LRCH1: variants seen among roughly 807,000 people sequenced by gnomAD.
LRCH1 encodes leucine-rich repeat and calponin homology domain-containing protein 1.
Under a neutral mutation model 94.9 loss-of-function variants are expected in LRCH1, and 23 were observed. The ratio of observed to expected loss-of-function variants is 0.24; its 90% CI spans 0.17 to 0.34. The LOEUF (loss-of-function observed/expected upper bound fraction) is 0.34. LRCH1 is among the 10% of genes least tolerant of loss of function. The pLI is 1.00. For missense variants in LRCH1, 790 were observed against 945.9 expected (o/e 0.84, Z 2.16); for synonymous variants, 364 against 354.9 (o/e 1.03, Z -0.29).
intron 2 of LRCH1, among the ~76,000 whole-genome samples, chr13:46,667,304 TC>T (rs377412568): frequency 2.0e-5 from 3 of 152,284 alleles, no homozygotes; most frequent in African/African-American, 7.2e-5. Flanking sequence ...ACCTGCTTTT[TC>T]TGAGCTCATC....
intron 15 of LRCH1, among the ~76,000 whole-genome samples, chr13:46,712,929 C>T (rs1440298522): frequency 1.3e-5 from 2 of 152,094 alleles, no homozygotes; most frequent in South Asian, 2.1e-4. Context: ...TCCTGCTGCT[C>T]GGCTGAGTTA....
intron 18 of LRCH1, among the ~76,000 whole-genome samples, chr13:46,730,784 T>C (rs771821286): frequency 6.6e-6 from 1 of 152,208 alleles, no homozygotes; most frequent in African/African-American, 2.4e-5. Flanking sequence ...AGATTCTCAG[T>C]AATTTTTCCC....
At chr13:46,635,976 T>C (rs1168891826) in intron 1 of LRCH1, among the ~76,000 whole-genome samples, 2 of 151,976 alleles carry the variant, frequency 1.3e-5, no homozygotes, top group Non-Finnish European at 2.9e-5. Context: ...TCCTCTCCTT[T>C]CAGTCTCTCT....
chr13:46,650,216 G>A lies in LRCH1; in HGVS notation c.323G>A (p.Arg108Lys). 1 of 1,610,928 alleles carries A rather than the reference G, an allele frequency of 6.2e-7. No individual in the cohort carries two copies. The highest frequency in any genetic ancestry group is 8.5e-7 in the Non-Finnish European group (1 of 1,178,526). ...TTTCTTATAGACTTATCTAAAAACA[G>A]ACTGGTTGAAGTTCCAATGGAATTG... ...DTVQADLSKN[R>K]LVEVPMELCH... The change falls in exon 2 of 20, where the codon AGA (arginine) becomes AAA (lysine). Residue 108 changes from arginine (R) to lysine (K), a missense_variant. Transcript: ENST00000389797.
intron 18 of LRCH1, among the ~76,000 whole-genome samples, chr13:46,732,303 T>A (rs1873150011): frequency 6.6e-6 from 1 of 152,210 alleles, no homozygotes; most frequent in African/African-American, 2.4e-5. Flanking sequence ...AAAAATGAAC[T>A]TTTTCAGCCT....
chr13:46,564,675 C>T (rs1261623388), intron 1 of LRCH1, among the ~76,000 whole-genome samples: 1 of 152,218 alleles, frequency 6.6e-6, no homozygotes, highest in Admixed American at 6.5e-5. Flanking sequence ...TTAGACACTT[C>T]TCTATTTAAT....
intron 11 of LRCH1, among the ~76,000 whole-genome samples, chr13:46,701,695 G>T (rs1460552239): frequency 6.6e-6 from 1 of 152,142 alleles, no homozygotes; most frequent in African/African-American, 2.4e-5. Flanking sequence ...ATCTGAATTT[G>T]CCTTGATCGA....
intron 17 of LRCH1, 59 bp downstream of exon 17, chr13:46,723,389 G>A: frequency 1.6e-6 from 2 of 1,268,884 alleles, no homozygotes; most frequent in Non-Finnish European, 1.1e-6. Flanking sequence ...ACATTTTTGA[G>A]AAACAGACTT....
intron 4 of LRCH1, among the ~76,000 whole-genome samples, 177 bp downstream of exon 4, chr13:46,682,023 A>G (rs923857644): frequency 6.6e-6 from 1 of 151,862 alleles, no homozygotes; most frequent in African/African-American, 2.4e-5. Flanking sequence ...AGTGATGTTC[A>G]GGCTGTGATT....
chr13:46,582,784 C>T (rs545048575), intron 1 of LRCH1, among the ~76,000 whole-genome samples: 166 of 149,986 alleles, frequency 1.1e-3, no homozygotes, highest in African/African-American at 3.8e-3. Flanking sequence ...TATAGGTATT[C>T]GCCGCTGTGC....
At chr13:46,717,067 A>G (rs977576723) in intron 16 of LRCH1, among the ~76,000 whole-genome samples, 1 of 151,288 alleles carries the variant, frequency 6.6e-6, no homozygotes, top group African/African-American at 2.4e-5. Context: ...TTTTTTTTTT[A>G]AAACTGGGAA....
At chr13:46,642,224 C>T (rs1446828495) in intron 1 of LRCH1, among the ~76,000 whole-genome samples, 1 of 152,190 alleles carries the variant, frequency 6.6e-6, no homozygotes, top group Non-Finnish European at 1.5e-5. Context: ...GCCTGGTGAC[C>T]AGGCACCTGA....
intron 2 of LRCH1, among the ~76,000 whole-genome samples, chr13:46,656,792 G>A (rs2051375053): frequency 6.6e-6 from 1 of 152,140 alleles, no homozygotes; most frequent in African/African-American, 2.4e-5. Flanking sequence ...ATAAATTATT[G>A]TGCCTGTAAA....
In LRCH1 at chr13:46,684,568, G is replaced by A. The variant is rs531406712; in HGVS notation, c.686-1337G>A. Among the ~76,000 whole-genome samples, 31 of 152,202 alleles carry A rather than the reference G, an allele frequency of 2.0e-4. No homozygotes were observed. The South Asian group carries it at 4.8e-3, about 23-fold the overall frequency. ...TAAGCTAACTTTAATTAACCATCTCGGAGATAGGTTGATATTGCTAGGGGA... is the reference window on the plus strand; with the variant it reads ...TAAGCTAACTTTAATTAACCATCTCAGAGATAGGTTGATATTGCTAGGGGA... On this transcript the variant is annotated intron_variant, in intron 4 of 19. Transcript: ENST00000389797.
At position 46,733,903 on chromosome 13, in the gene LRCH1, G is replaced by T. The variant is rs777952564; in HGVS notation, c.2008-18G>T. 7.3e-6 allele frequency: 11 copies of T among 1,497,552 alleles called. No individual in the cohort carries two copies. The highest frequency in any genetic ancestry group is 1.9e-5 in the Admixed American group (1 of 51,914). 92.8% of individuals were successfully genotyped at this position (1,497,552 alleles called of 1,614,324 possible). A position where few individuals can be genotyped will look rare whatever the true frequency, so the allele number is the denominator to read the frequency against. ...CTCTTTTAAATAATATATTATTTCC[G>T]TATATTTGCATTTATAGCCCAAACT... On this transcript the variant is annotated intron_variant, in intron 18 of 19. Coordinates refer to ENST00000389797, the MANE Select transcript of LRCH1 (RefSeq NM_001164211.2).
chr13:46,687,899 A>G lies in LRCH1; in HGVS notation c.870A>G (p.Gln290=). ...ACATATTTAAGTATCTGAGCATACA[A>G]GCATGCCAGATTAAGACAGCTGACT... ...KVHIFKYLSI[Q]ACQIKTADSL... The change falls in exon 6 of 20, where the codon CAA becomes CAG. Residue 290 remains glutamine, a synonymous_variant. Coordinates refer to ENST00000389797, the MANE Select transcript of LRCH1 (RefSeq NM_001164211.2). The G allele has an allele frequency of 1.9e-6, 3 of 1,613,044 alleles. No individual in the cohort carries two copies. Among genetic ancestry groups the G allele is most frequent in the Non-Finnish European group, 1.7e-6 (2 of 1,179,208 alleles).
At chr13:46,630,748 A>G (rs980367844) in intron 1 of LRCH1, among the ~76,000 whole-genome samples, 1 of 152,260 alleles carries the variant, frequency 6.6e-6, no homozygotes, top group South Asian at 2.1e-4. Context: ...TGTAAAATGC[A>G]GTTAAACTGA....
At chr13:46,593,518 C>T (rs928278676) in intron 1 of LRCH1, among the ~76,000 whole-genome samples, 2 of 152,170 alleles carry the variant, frequency 1.3e-5, no homozygotes, top group African/African-American at 4.8e-5. Flanking sequence ...TTTAGTGAAA[C>T]GTCACCACGA....
chr13:46,627,606 C>T (rs2050965739), intron 1 of LRCH1, among the ~76,000 whole-genome samples: 1 of 152,134 alleles, frequency 6.6e-6, no homozygotes, highest in African/African-American at 2.4e-5. Flanking sequence ...TCCTCCCTCT[C>T]AGCCCTGGTC....
Sources: allele counts gnomAD v4.1 joint callset (sites outside exome capture counted in the v4.1 genomes callset), GRCh38; gene constraint gnomAD v4.1.1; transcripts MANE v1.5; gene names NCBI Gene and HGNC (gene_info 2026-07-23, HGNC 2026-07-21).